The following TTYH3 variants were observed in gnomAD, a reference collection of about 807,000 sequenced individuals.
TTYH3 encodes protein tweety homolog 3.
Under a neutral mutation model 68.2 loss-of-function variants are expected in TTYH3, and 23 were observed. The ratio of observed to expected loss-of-function variants is 0.34; its 90% CI spans 0.24 to 0.48. TTYH3 has a LOEUF of 0.48. Ranked by LOEUF, TTYH3 falls within the 20% of genes least tolerant of loss-of-function variation. The pLI is 0.99. For synonymous variants in TTYH3, 360 were observed against 332.8 expected (o/e 1.08, Z -0.89); for missense variants, 768 against 727.7 (o/e 1.06, Z -0.64).
chr7:2,652,874 C>A, intron 8 of TTYH3, 44 bp from the exon 9 acceptor site: 1 of 1,466,120 alleles, frequency 6.8e-7, no homozygotes, highest in Non-Finnish European at 9.2e-7. Flanking sequence ...GAGAGGCGGG[C>A]GGACCCAGCA....
intron 1 of TTYH3, among the ~76,000 whole-genome samples, chr7:2,634,753 C>T (rs1311174754): frequency 6.6e-6 from 1 of 152,170 alleles, no homozygotes; most frequent in East Asian, 1.9e-4. Flanking sequence ...TCACTTTTCC[C>T]ACAGCCCCAG....
intron 11 of TTYH3, among the ~76,000 whole-genome samples, chr7:2,657,737 A>T (rs537447282): frequency 6.6e-6 from 1 of 152,236 alleles, no homozygotes; most frequent in Non-Finnish European, 1.5e-5. Flanking sequence ...TGCGCAGCCA[A>T]AAGCTACCAC....
At chr7:2,641,719 C>T (rs943755358) in intron 1 of TTYH3, among the ~76,000 whole-genome samples, 5 of 152,264 alleles carry the variant, frequency 3.3e-5, no homozygotes, top group Admixed American at 1.3e-4. Context: ...GTAGGAATGC[C>T]GCTGGCCCGG....
Position 2,663,519 on chromosome 7 carries a change from C to T in TTYH3, c.*1780C>T, listed in dbSNP as rs1226869650. On this transcript the variant is annotated 3_prime_UTR_variant, in exon 14 of 14. Coordinates refer to ENST00000258796, the MANE Select transcript of TTYH3 (RefSeq NM_025250.3). ...GCATGACCAAACCTCAGTGGAGGGG[C>T]CTCTGCTTCAGGCCCCGCCTGGCTG... 1 of 152,608 alleles carries T rather than the reference C, an allele frequency of 6.6e-6. No homozygotes were observed. The highest frequency in any genetic ancestry group is 1.5e-5 in the Non-Finnish European group (1 of 68,060). The allele number at this position is 152,608 out of a possible 1,614,324, so 9.5% of individuals were successfully genotyped here. A position where few individuals can be genotyped will look rare whatever the true frequency, so the allele number is the denominator to read the frequency against.
chr7:2,655,802 A>G (rs1157031378), intron 9 of TTYH3, among the ~76,000 whole-genome samples: 1 of 152,174 alleles, frequency 6.6e-6, no homozygotes, highest in African/African-American at 2.4e-5. Context: ...TTCTCCCATT[A>G]CAATAAAGGG....
chr7:2,649,829 C>G (rs1786115253), intron 6 of TTYH3, 84 bp from the exon 7 acceptor site: 4 of 1,529,048 alleles, frequency 2.6e-6, no homozygotes, highest in African/African-American at 1.4e-5. Context: ...TGAAAGCAGA[C>G]TCCAGGGGAC....
chr7:2,640,409 G>A (rs1426256023), intron 1 of TTYH3, among the ~76,000 whole-genome samples: 1 of 152,002 alleles, frequency 6.6e-6, no homozygotes, highest in Non-Finnish European at 1.5e-5. Flanking sequence ...TGTGTGGGGG[G>A]GGACGTGTGT....
In TTYH3 at chr7:2,632,056, G is replaced by A. The variant is rs1785533798; in HGVS notation, c.-100G>A. 3 of 1,090,696 alleles carry A rather than the reference G, an allele frequency of 2.8e-6. No homozygotes were observed. Among genetic ancestry groups the A allele is most frequent in the Non-Finnish European group, 2.3e-6 (2 of 873,090 alleles). The allele number at this position is 1,090,696 out of a possible 1,614,324, so 67.6% of individuals were successfully genotyped here. Reference sequence around the variant, plus strand: ...GCCCAGGAGCGCGCGGATGATGCGGGCGGCCAGGCGGGGGTCGACGGGTCC... The same window carrying A: ...GCCCAGGAGCGCGCGGATGATGCGGACGGCCAGGCGGGGGTCGACGGGTCC... On this transcript the variant is annotated 5_prime_UTR_variant, in exon 1 of 14. Transcript: ENST00000258796.
chr7:2,632,383 C>T lies in TTYH3; in HGVS notation c.123+105C>T, dbSNP rs555120035. 9.9e-6 allele frequency: 12 copies of T among 1,206,118 alleles called. No individual in the cohort carries two copies. The Admixed American group carries it at 2.2e-4, about 22-fold the overall frequency. The allele number at this position is 1,206,118 out of a possible 1,614,324, so 74.7% of individuals were successfully genotyped here. A position where few individuals can be genotyped will look rare whatever the true frequency, so the allele number is the denominator to read the frequency against. ...CCCCGAGGGCCTAAAGACCCCTCAT[C>T]CCCCCCTCCAGGGTCACGGCCACCT... is the stretch of plus-strand genomic sequence containing the variant. On this transcript the variant is annotated intron_variant, in intron 1 of 13. Transcript: ENST00000258796.
chr7:2,632,324 C>G, intron 1 of TTYH3, 46 bp downstream of exon 1: 1 of 1,499,800 alleles, frequency 6.7e-7, no homozygotes. Context: ...CCCCAGGTCA[C>G]GGCCCCCTCC....
chr7:2,651,339 A>C (rs1201362994), intron 7 of TTYH3, among the ~76,000 whole-genome samples: 2 of 151,976 alleles, frequency 1.3e-5, no homozygotes, highest in Non-Finnish European at 2.9e-5. Context: ...AACCACTTCC[A>C]CCAAAGCCTG....
chr7:2,644,174 G>A (rs1033183986), intron 1 of TTYH3, among the ~76,000 whole-genome samples: 20 of 152,122 alleles, frequency 1.3e-4, no homozygotes, highest in Admixed American at 1.2e-3. Flanking sequence ...CTCTGGTCCC[G>A]GGGGGCATGG....
chr7:2,651,356 C>T (rs571919755), intron 7 of TTYH3, among the ~76,000 whole-genome samples: 10 of 152,252 alleles, frequency 6.6e-5, no homozygotes, highest in African/African-American at 1.7e-4. Context: ...CCTGAAGAGC[C>T]TCCTGGAGGA....
chr7:2,643,247 T>C (rs1213140949), intron 1 of TTYH3, among the ~76,000 whole-genome samples: 1 of 149,098 alleles, frequency 6.7e-6, no homozygotes, highest in East Asian at 2.0e-4. Flanking sequence ...CCCAGCTACT[T>C]GGGAGGCTGA....
At chr7:2,632,424 C>T (rs1785547458) in intron 1 of TTYH3, 146 bp downstream of exon 1, 2 of 828,804 alleles carry the variant, frequency 2.4e-6, no homozygotes, top group East Asian at 3.1e-5. Context: ...TCGCAGGTAC[C>T]GGCCTCCTTC....
chr7:2,655,037 A>G (rs1786294364), intron 9 of TTYH3, among the ~76,000 whole-genome samples: 1 of 152,186 alleles, frequency 6.6e-6, no homozygotes, highest in Non-Finnish European at 1.5e-5. Flanking sequence ...CTGTGTCTCC[A>G]AGTGCAGCCC....
chr7:2,658,074 T>TCTCATA (rs1786385426), intron 11 of TTYH3, among the ~76,000 whole-genome samples: 1 of 152,216 alleles, frequency 6.6e-6, no homozygotes, highest in African/African-American at 2.4e-5. Flanking sequence ...GGCACTCGGG[T>TCTCATA]GACCACACAG....
chr7:2,633,907 G>A (rs1785589972), intron 1 of TTYH3, among the ~76,000 whole-genome samples: 2 of 152,196 alleles, frequency 1.3e-5, no homozygotes, highest in South Asian at 2.1e-4. Context: ...AGGGAGTGAG[G>A]GGCGATGATG....
chr7:2,655,997 G>A, intron 9 of TTYH3, 95 bp from the exon 10 acceptor site: 2 of 982,922 alleles, frequency 2.0e-6, no homozygotes, highest in South Asian at 1.6e-5. Context: ...ATTATGGGCT[G>A]GAGGGAGACC....
Sources: gnomAD v4.1 joint callset for allele counts (sites outside exome capture counted in the v4.1 genomes callset) on GRCh38, gnomAD v4.1.1 for gene constraint, MANE v1.5 for transcripts, NCBI Gene and HGNC (gene_info 2026-07-23, HGNC 2026-07-21) for gene names.